Variants in ERBB4 observed in about 807,000 individuals in gnomAD.
The protein encoded by ERBB4 is receptor tyrosine-protein kinase erbB-4.
In ERBB4, 42 loss-of-function variants were observed where a neutral mutation model predicts 158.0. That is an observed-to-expected ratio of 0.27 (90% CI 0.21 to 0.34). The LOEUF is 0.34. ERBB4 is among the 10% of genes least tolerant of loss of function. The probability of loss-of-function intolerance (pLI) is 1.00; values close to 1 mark genes in which losing one functional copy is unlikely to be tolerated. For synonymous variants in ERBB4, 583 were observed against 558.7 expected (o/e 1.04, Z -0.61); for missense variants, 1,333 against 1,624.1 (o/e 0.82, Z 3.08).
intron 12 of ERBB4, among the ~76,000 whole-genome samples, chr2:211,689,144 A>G (rs531259179): frequency 6.6e-6 from 1 of 152,316 alleles, no homozygotes; most frequent in Non-Finnish European, 1.5e-5. Flanking sequence ...TGATTTAGTC[A>G]TAATACAGAG....
chr2:212,200,284 A>G (rs766559231), intron 1 of ERBB4, among the ~76,000 whole-genome samples: 2 of 152,190 alleles, frequency 1.3e-5, no homozygotes, highest in Admixed American at 6.5e-5. Flanking sequence ...ATGAAAAGAA[A>G]TAGGAAAAGT....
chr2:211,983,533 T>C (rs1196946148), intron 2 of ERBB4, among the ~76,000 whole-genome samples: 2 of 152,206 alleles, frequency 1.3e-5, no homozygotes, highest in Non-Finnish European at 2.9e-5. Context: ...AGTACTCCCA[T>C]GATTTATCCA....
At chr2:212,355,434 AACCT>A (rs1328596489) in intron 1 of ERBB4, among the ~76,000 whole-genome samples, 1 of 151,984 alleles carries the variant, frequency 6.6e-6, no homozygotes, top group African/African-American at 2.4e-5. Flanking sequence ...TTGATCTACA[AACCT>A]ACTGAAGTCT....
At chr2:211,397,923 A>G (rs2062954576) in intron 25 of ERBB4, among the ~76,000 whole-genome samples, 1 of 152,142 alleles carries the variant, frequency 6.6e-6, no homozygotes, top group Admixed American at 6.5e-5. Context: ...AATCTTCTCA[A>G]ATTGGTCAAA....
At chr2:212,357,781 G>C (rs763457029) in intron 1 of ERBB4, among the ~76,000 whole-genome samples, 1 of 151,808 alleles carries the variant, frequency 6.6e-6, no homozygotes, top group Non-Finnish European at 1.5e-5. Flanking sequence ...CGGTCACTTG[G>C]TTACTACATT....
intron 1 of ERBB4, among the ~76,000 whole-genome samples, chr2:212,412,597 A>C (rs1255110958): frequency 4.6e-5 from 7 of 152,132 alleles, no homozygotes; most frequent in Non-Finnish European, 1.0e-4. Context: ...TTTCTTTATA[A>C]ATTTCCCAGT....
At chr2:212,162,117 T>G (rs1030541934) in intron 1 of ERBB4, among the ~76,000 whole-genome samples, 19 of 151,832 alleles carry the variant, frequency 1.3e-4, no homozygotes, top group African/African-American at 4.6e-4. Flanking sequence ...GAAACCTATG[T>G]ACACAAAAGA....
chr2:212,041,686 GA>G (rs926743662), intron 2 of ERBB4, among the ~76,000 whole-genome samples: 2 of 151,448 alleles, frequency 1.3e-5, no homozygotes, highest in African/African-American at 4.8e-5. Flanking sequence ...AAGGGAAGCA[GA>G]AAAAAACAGT....
Position 212,014,497 on chromosome 2 carries a change from G to A in ERBB4, c.235-66881C>T, listed in dbSNP as rs569196558. On this transcript the variant is annotated intron_variant, in intron 2 of 27. Transcript: ENST00000342788. ...GATGTAACATGGAGATCTGTAGGTA[G>A]ATGCTAAAAAAAATAGCTTGGATAC... Among the ~76,000 whole-genome samples the A allele has an allele frequency of 1.1e-4, 16 of 152,270 alleles. No homozygotes were observed. In the Middle Eastern group the frequency reaches 0.01, roughly 97 times the overall value.
rs549254649 is a variant in ERBB4 at position 211,571,041 on chromosome 2, C to CTTTTTTTTT, written c.2302-8962_2302-8954dup. The stretch of plus-strand genomic sequence containing the variant: ...TTTTCACTCTCTGAGTACTCTTCTT[C>CTTTTTTTTT]TTTTTTTTTTTTTTTTTTTTGAGAC... On this transcript the variant is annotated intron_variant, in intron 19 of 27. Coordinates refer to ENST00000342788, the MANE Select transcript of ERBB4 (RefSeq NM_005235.3). Among the ~76,000 whole-genome samples the CTTTTTTTTT allele has an allele frequency of 2.6e-3, 283 of 109,060 alleles. 14 individuals are homozygous for CTTTTTTTTT. Among genetic ancestry groups the CTTTTTTTTT allele is most frequent in the African/African-American group, 8.9e-3 (252 of 28,182 alleles). 71.5% of individuals were successfully genotyped at this position (109,060 alleles called of 152,430 possible). A position where few individuals can be genotyped will look rare whatever the true frequency, so the allele number is the denominator to read the frequency against.
At chr2:211,490,595 T>A (rs2065315437) in intron 20 of ERBB4, among the ~76,000 whole-genome samples, 1 of 151,980 alleles carries the variant, frequency 6.6e-6, no homozygotes. Context: ...TTTCAGAAGC[T>A]ATGGAGAGGT....
chr2:211,931,366 T>A (rs1490513793), intron 3 of ERBB4, among the ~76,000 whole-genome samples: 1 of 152,024 alleles, frequency 6.6e-6, no homozygotes, highest in Non-Finnish European at 1.5e-5. Flanking sequence ...CACAGAACAA[T>A]CAAACCCTAA....
Position 211,397,550 on chromosome 2 carries a change from C to G in ERBB4, c.3136-9558G>C, listed in dbSNP as rs985426180. ...GATGATACAGCTAGTTACTAACAGG[C>G]CTAATTAGAAAAACATCTATCGGCT... is the stretch of plus-strand genomic sequence containing the variant. On this transcript the variant is annotated intron_variant, in intron 25 of 27. Transcript: ENST00000342788. 2.6e-5 allele frequency among the ~76,000 whole-genome samples: 4 copies of G among 152,026 alleles called. 1 individual carries two copies. The highest frequency in any genetic ancestry group is 9.7e-5 in the African/African-American group (4 of 41,396).
Position 211,424,143 on chromosome 2 carries a change from T to C in ERBB4, c.2866+12A>G. ...GAATGATGATGGTGATAACATTATT[T>C]TGCAGTCTTACATTTGACCATGACC... On this transcript the variant is annotated intron_variant, in intron 23 of 27. Transcript: ENST00000342788. 6.2e-7 allele frequency: 1 copy of C among 1,610,954 alleles called. No individual in the cohort carries two copies. The highest frequency in any genetic ancestry group is 8.5e-7 in the Non-Finnish European group (1 of 1,177,272).
intron 1 of ERBB4, among the ~76,000 whole-genome samples, chr2:212,296,303 G>C (rs1285787798): frequency 6.6e-6 from 1 of 151,588 alleles, no homozygotes; most frequent in Non-Finnish European, 1.5e-5. Flanking sequence ...AATATGCCTG[G>C]GATAATATAG....
At chr2:211,976,164 C>G (rs2081600329) in intron 2 of ERBB4, among the ~76,000 whole-genome samples, 2 of 151,860 alleles carry the variant, frequency 1.3e-5, no homozygotes, top group Non-Finnish European at 2.9e-5. Context: ...ATCAGTTATT[C>G]CACTGGAATT....
intron 1 of ERBB4, among the ~76,000 whole-genome samples, chr2:212,167,582 A>G (rs1450911657): frequency 2.0e-5 from 3 of 152,168 alleles, no homozygotes; most frequent in African/African-American, 2.4e-5. Flanking sequence ...CAGCAATCCC[A>G]TTACTGAGTA....
intron 12 of ERBB4, among the ~76,000 whole-genome samples, chr2:211,679,677 C>A (rs556840538): frequency 2.3e-4 from 1 of 4,416 alleles, no homozygotes; most frequent in Non-Finnish European, 6.5e-4. Context: ...AAATAAAACA[C>A]AAGTTTTCTC....
In ERBB4 at chr2:212,124,869, G is replaced by A. The variant is rs769643246; in HGVS notation, c.117C>T (p.Leu39=). 13 of 1,614,072 alleles carry A rather than the reference G, an allele frequency of 8.1e-6. No homozygotes were observed. Among genetic ancestry groups the A allele is most frequent in the Non-Finnish European group, 8.5e-6 (10 of 1,180,018 alleles). The part of the protein sequence containing the change: ...CAGTENKLSS[L]SDLEQQYRAL... ...CTCGGTACTGCTGTTCCAGGTCAGAGAGAGAGCTCAGTTTATTCTCCGTTC... is the reference window on the plus strand; with the variant it reads ...CTCGGTACTGCTGTTCCAGGTCAGAAAGAGAGCTCAGTTTATTCTCCGTTC... Residue 39 remains leucine, a synonymous_variant, in exon 2 of 28, where the codon CTC becomes CTT. Transcript: ENST00000342788.
Sources: gnomAD v4.1 joint callset for allele counts (sites outside exome capture counted in the v4.1 genomes callset) on GRCh38, gnomAD v4.1.1 for gene constraint, MANE v1.5 for transcripts, NCBI Gene and HGNC (gene_info 2026-07-23, HGNC 2026-07-21) for gene names.